TUSC3: variants seen among roughly 807,000 people sequenced by gnomAD.
TUSC3 encodes tumor suppressor candidate 3.
In TUSC3, 45 loss-of-function variants were observed where a neutral mutation model predicts 44.8. The observed-to-expected ratio is 1.00, with a 90% CI of 0.79 to 1.29. The LOEUF (loss-of-function observed/expected upper bound fraction) is 1.29. TUSC3 is among the 50% of genes most tolerant of loss of function. TUSC3 has a pLI of 0.00. For synonymous variants in TUSC3, 212 were observed against 152.9 expected (o/e 1.39, Z -2.85); for missense variants, 519 against 437.9 (o/e 1.19, Z -1.65).
chr8:15,748,584 T>A, intron 9 of TUSC3, 119 bp downstream of exon 9: 1 of 988,092 alleles, frequency 1.0e-6, no homozygotes, highest in Non-Finnish European at 1.6e-6. Flanking sequence ...TAAATTCAGT[T>A]AAGCAAGTTT....
At chr8:15,457,288 C>T (rs143506660) in intron 1 of TUSC3, among the ~76,000 whole-genome samples, 96 of 151,760 alleles carry the variant, frequency 6.3e-4, no homozygotes, top group African/African-American at 2.2e-3. Context: ...GAACGTTGTG[C>T]ACAAGTACCC....
chr8:15,470,378 C>A (rs1800474258), intron 1 of TUSC3, among the ~76,000 whole-genome samples: 1 of 151,982 alleles, frequency 6.6e-6, no homozygotes, highest in Non-Finnish European at 1.5e-5. Flanking sequence ...TGGATGCCTT[C>A]CTTATACATT....
chr8:15,473,662 G>A (rs111566995), intron 1 of TUSC3, among the ~76,000 whole-genome samples: 11,444 of 152,198 alleles, frequency 0.075, 460 homozygotes, highest in South Asian at 0.11. Flanking sequence ...CACCTGAGCC[G>A]CAAAACCAGC....
In TUSC3 at chr8:15,764,350, G is replaced by A. The variant is rs1812269240; in HGVS notation, c.*194G>A. 1.1e-6 allele frequency: 1 copy of A among 893,182 alleles called. No individual in the cohort carries two copies. Among genetic ancestry groups the A allele is most frequent in the South Asian group, 1.6e-5 (1 of 61,994 alleles). 55.3% of individuals were successfully genotyped at this position (893,182 alleles called of 1,614,324 possible). On this transcript the variant is annotated 3_prime_UTR_variant, in exon 11 of 11. Transcript: ENST00000503731. Reference sequence around the variant, plus strand: ...CTTGTGTACTTTTTTTAAACTGTGGGTTTTCCTAGTAAATTTAATTTACAG... The same window carrying A: ...CTTGTGTACTTTTTTTAAACTGTGGATTTTCCTAGTAAATTTAATTTACAG...
At chr8:15,663,668 T>C (rs1279139099) in intron 5 of TUSC3, among the ~76,000 whole-genome samples, 1 of 151,944 alleles carries the variant, frequency 6.6e-6, no homozygotes, top group Non-Finnish European at 1.5e-5. Context: ...AGAAAGTTTC[T>C]TAATATTGTT....
chr8:15,851,132 A>G, the TUSC3 span, among the ~76,000 whole-genome samples: 1 of 152,204 alleles, frequency 6.6e-6, no homozygotes, highest in Non-Finnish European at 1.5e-5. Flanking sequence ...TGATCTAAAA[A>G]TATGTTTCAT....
At chr8:15,499,554 T>A (rs544038403) in intron 2 of TUSC3, among the ~76,000 whole-genome samples, 1 of 152,348 alleles carries the variant, frequency 6.6e-6, no homozygotes, top group Non-Finnish European at 1.5e-5. Context: ...CTCTCTTTTG[T>A]GTCTGCATTC....
chr8:15,694,990 G>A (rs1479173647), intron 6 of TUSC3, among the ~76,000 whole-genome samples: 1 of 152,182 alleles, frequency 6.6e-6, no homozygotes, highest in Non-Finnish European at 1.5e-5. Flanking sequence ...CCAAGCATGT[G>A]TTTGCACCAT....
At chr8:15,654,900 G>C (rs1807085393) in intron 3 of TUSC3, among the ~76,000 whole-genome samples, 1 of 152,156 alleles carries the variant, frequency 6.6e-6, no homozygotes, top group Non-Finnish European at 1.5e-5. Context: ...GAAAACCTGA[G>C]TTCATCTTCC....
At chr8:15,736,404 G>GAAAT (rs1214802429) in intron 7 of TUSC3, among the ~76,000 whole-genome samples, 2 of 152,142 alleles carry the variant, frequency 1.3e-5, no homozygotes, top group Non-Finnish European at 2.9e-5. Flanking sequence ...GTATGCATAT[G>GAAAT]AAATATATAA....
At chr8:15,822,030 A>G in the TUSC3 span, among the ~76,000 whole-genome samples, 1 of 152,142 alleles carries the variant, frequency 6.6e-6, no homozygotes, top group Non-Finnish European at 1.5e-5. Context: ...AGATGTAGCC[A>G]TTTTCTAGAT....
intron 1 of TUSC3, among the ~76,000 whole-genome samples, chr8:15,422,073 C>G (rs1483853891): frequency 6.6e-6 from 1 of 152,116 alleles, no homozygotes; most frequent in East Asian, 1.9e-4. Context: ...CTTTTCTTTA[C>G]CCATCTTTCT....
intron 10 of TUSC3, among the ~76,000 whole-genome samples, chr8:15,762,852 C>T (rs906109771): frequency 2.0e-5 from 3 of 151,948 alleles, no homozygotes; most frequent in African/African-American, 4.8e-5. Context: ...AAGGATCATG[C>T]GGATTGAACA....
chr8:15,806,564 A>C, the TUSC3 span: 13 of 1,453,702 alleles, frequency 8.9e-6, no homozygotes, highest in Non-Finnish European at 1.3e-5. Context: ...TTCATTTCCC[A>C]TAACATCCCA....
chr8:15,697,149 G>A (rs1809204708), intron 6 of TUSC3, among the ~76,000 whole-genome samples: 2 of 152,024 alleles, frequency 1.3e-5, no homozygotes, highest in Non-Finnish European at 1.5e-5. Flanking sequence ...TTCTTATTGA[G>A]CTTGTTTGGA....
At chr8:15,475,711 G>C (rs764394757) in intron 1 of TUSC3, among the ~76,000 whole-genome samples, 18 of 152,276 alleles carry the variant, frequency 1.2e-4, no homozygotes, top group South Asian at 4.1e-4. Flanking sequence ...GCTTAAGTGT[G>C]TTGTTGTCTT....
intron 7 of TUSC3, among the ~76,000 whole-genome samples, chr8:15,735,848 C>T (rs1194112118): frequency 2.6e-5 from 4 of 151,646 alleles, no homozygotes; most frequent in Admixed American, 6.6e-5. Context: ...TACAGGTGCA[C>T]GCTGCCACAC....
chr8:15,625,209 T>C (rs915650981), intron 2 of TUSC3, among the ~76,000 whole-genome samples: 1 of 151,830 alleles, frequency 6.6e-6, no homozygotes, highest in Non-Finnish European at 1.5e-5. Context: ...AATTGTGTCA[T>C]ATTATTTTAT....
chr8:15,724,862 A>AG (rs1214900602), intron 6 of TUSC3, among the ~76,000 whole-genome samples: 4 of 152,176 alleles, frequency 2.6e-5, no homozygotes, highest in African/African-American at 9.6e-5. Flanking sequence ...GAATTCATAT[A>AG]GTTAGTGAGA....
Sources: allele counts gnomAD v4.1 joint callset (sites outside exome capture counted in the v4.1 genomes callset), GRCh38; gene constraint gnomAD v4.1.1; transcripts MANE v1.5; gene names NCBI Gene and HGNC (gene_info 2026-07-23, HGNC 2026-07-21).